The following AVEN variants were observed in gnomAD, a reference collection of about 807,000 sequenced individuals.
The protein encoded by AVEN is cell death regulator Aven.
A neutral mutation model predicts 38.1 loss-of-function variants in AVEN; 41 were observed. The ratio of observed to expected loss-of-function variants is 1.08; its 90% CI spans 0.84 to 1.40. The LOEUF is 1.40. Among genes scored for constraint, AVEN ranks in the 40% most tolerant of loss-of-function variants. The pLI, the probability that AVEN is intolerant of heterozygous loss-of-function variation, is 0.00. For missense variants in AVEN, 605 were observed against 438.8 expected (o/e 1.38, Z -3.38); for synonymous variants, 206 against 171.8 (o/e 1.20, Z -1.56).
chr15:33,978,379 A>G (rs544263529), intron 2 of AVEN, among the ~76,000 whole-genome samples: 2 of 152,260 alleles, frequency 1.3e-5, no homozygotes, highest in South Asian at 4.2e-4. Context: ...ATTAAAGCGT[A>G]CAGGCCGGGC....
At chr15:33,854,900 C>G (rs1239517159), downstream of AVEN, 5 of 1,610,182 alleles carry the variant, frequency 3.1e-6, no homozygotes, top group Non-Finnish European at 4.2e-6. Flanking sequence ...CTGTAACTCA[C>G]AATGGCAAAC....
At chr15:33,862,657 C>T (rs1362655520), downstream of AVEN, among the ~76,000 whole-genome samples, 1 of 152,186 alleles carries the variant, frequency 6.6e-6, no homozygotes, top group Non-Finnish European at 1.5e-5. Flanking sequence ...GTCACCCAGG[C>T]TGAAGTGCAG....
exon 1 of AVEN, among the ~76,000 whole-genome samples, chr15:34,075,008 C>G (rs1323353379): frequency 1.3e-5 from 2 of 151,824 alleles, no homozygotes; most frequent in African/African-American, 4.8e-5. Flanking sequence ...GAAACCTTGT[C>G]TCTACTAAAA....
chr15:33,983,140 G>GTGTGTGTGTGTA (rs1324259254), intron 2 of AVEN, among the ~76,000 whole-genome samples: 9 of 118,340 alleles, frequency 7.6e-5, no homozygotes, highest in African/African-American at 3.6e-4. Flanking sequence ...GTGTGTGTGT[G>GTGTGTGTGTGTA]TGTGTGTGTG....
At chr15:34,052,730 G>T (rs1899972476) in intron 5 of AVEN, among the ~76,000 whole-genome samples, 1 of 152,128 alleles carries the variant, frequency 6.6e-6, no homozygotes, top group African/African-American at 2.4e-5. Flanking sequence ...AATCGTGAAT[G>T]AATTCCCATT....
chr15:33,926,278 C>T (rs968562734), intron 2 of AVEN, among the ~76,000 whole-genome samples: 2 of 152,162 alleles, frequency 1.3e-5, no homozygotes, highest in Non-Finnish European at 2.9e-5. Flanking sequence ...TTCTCTTCTA[C>T]AAATCTTTCT....
intron 2 of AVEN, among the ~76,000 whole-genome samples, chr15:33,893,474 T>C (rs535827833): frequency 1.3e-5 from 2 of 152,308 alleles, no homozygotes; most frequent in African/African-American, 4.8e-5. Context: ...CCTGTGAAGA[T>C]AGCTTGAGCC....
the AVEN span, chr15:33,853,124 C>T: frequency 1.3e-6 from 2 of 1,520,470 alleles, no homozygotes; most frequent in Non-Finnish European, 1.8e-6. Context: ...CCGTGATCAC[C>T]AAAAAATGTG....
At chr15:33,852,846 C>G in the AVEN span, 1 of 516,092 alleles carries the variant, frequency 1.9e-6, no homozygotes, top group African/African-American at 2.0e-5. Flanking sequence ...TTTCAAAAGC[C>G]AATACAAAGT....
intron 5 of AVEN, among the ~76,000 whole-genome samples, chr15:34,057,492 C>T (rs1270165626): frequency 6.6e-6 from 1 of 152,162 alleles, no homozygotes; most frequent in Non-Finnish European, 1.5e-5. Context: ...TTGTAGTGAA[C>T]ATTCCCTTGT....
intron 2 of AVEN, among the ~76,000 whole-genome samples, chr15:33,986,410 A>G (rs948983998): frequency 2.0e-5 from 3 of 152,014 alleles, no homozygotes; most frequent in African/African-American, 7.2e-5. Context: ...CGCCCGGCCC[A>G]CTGTAAATTT....
At chr15:33,903,221 T>C (rs892308939) in intron 2 of AVEN, among the ~76,000 whole-genome samples, 1 of 152,210 alleles carries the variant, frequency 6.6e-6, no homozygotes, top group African/African-American at 2.4e-5. Context: ...CTTAGTATTA[T>C]GTGGTGGCAA....
chr15:33,866,700 T>C lies in AVEN; in HGVS notation c.1002A>G (p.Glu334=), dbSNP rs1378711313. ...EVCAKPSVTE[E]KNMEPEQPST... ...TTGGTTGCTCAGGTTCCATGTTTTT[T>C]TCTTCAGTCACAGATGGTTTTGCAC... Residue 334 remains glutamate (E), a synonymous_variant, in exon 6 of 6, where the codon GAA becomes GAG. Coordinates refer to ENST00000306730, the MANE Select transcript of AVEN (RefSeq NM_020371.3). The C allele has an allele frequency of 6.2e-7, 1 of 1,613,970 alleles. No homozygotes were observed. Among genetic ancestry groups the C allele is most frequent in the Non-Finnish European group, 8.5e-7 (1 of 1,179,946 alleles).
intron 1 of AVEN, among the ~76,000 whole-genome samples, chr15:34,016,003 G>A (rs1178975317): frequency 6.6e-6 from 1 of 152,156 alleles, no homozygotes; most frequent in Non-Finnish European, 1.5e-5. Flanking sequence ...GCGGCTGGGC[G>A]CGGTGGCTCA....
chr15:34,071,102 G>A (rs552419035), intron 1 of AVEN, among the ~76,000 whole-genome samples: 32 of 152,214 alleles, frequency 2.1e-4, no homozygotes, highest in African/African-American at 7.0e-4. Context: ...CTCCTGCTAA[G>A]AGTAGTTCTT....
chr15:33,917,525 GTATATATA>G (rs34540122), intron 2 of AVEN, among the ~76,000 whole-genome samples: 5 of 145,810 alleles, frequency 3.4e-5, no homozygotes, highest in African/African-American at 5.0e-5. Context: ...ACACATACGT[GTATATATA>G]TATATATATC....
chr15:34,040,643 T>C (rs1272201863), upstream of AVEN, among the ~76,000 whole-genome samples: 1 of 152,168 alleles, frequency 6.6e-6, no homozygotes, highest in Non-Finnish European at 1.5e-5. Context: ...ATTACACAGT[T>C]ACAGGCCAGG....
intron 2 of AVEN, among the ~76,000 whole-genome samples, chr15:33,926,130 A>C (rs555104847): frequency 1.3e-5 from 2 of 151,628 alleles, no homozygotes; most frequent in East Asian, 3.9e-4. Flanking sequence ...AAAATCAAAA[A>C]TGTGAAAAGT....
intron 2 of AVEN, among the ~76,000 whole-genome samples, chr15:33,906,511 C>T (rs1892704390): frequency 6.6e-6 from 1 of 152,180 alleles, no homozygotes; most frequent in Admixed American, 6.5e-5. Context: ...ATATCTGTTC[C>T]AGTCCCTGCT....
Sources: gnomAD v4.1 joint callset for allele counts (sites outside exome capture counted in the v4.1 genomes callset) on GRCh38, gnomAD v4.1.1 for gene constraint, MANE v1.5 for transcripts, NCBI Gene and HGNC (gene_info 2026-07-23, HGNC 2026-07-21) for gene names.